FRK: variants seen among roughly 807,000 people sequenced by gnomAD.
FRK encodes fyn related Src family tyrosine kinase.
In FRK, 51 loss-of-function variants were observed where a neutral mutation model predicts 56.4. That is an observed-to-expected ratio of 0.90 (90% confidence interval 0.72 to 1.14). The LOEUF (loss-of-function observed/expected upper bound fraction) is 1.14, where lower values mean the gene tolerates loss of function less well. FRK is among the 50% of genes most tolerant of loss of function. The pLI, the probability that FRK is intolerant of heterozygous loss-of-function variation, is 0.00. For missense variants in FRK, 570 were observed against 601.4 expected (o/e 0.95, Z 0.55); for synonymous variants, 245 against 217.9 (o/e 1.12, Z -1.10).
chr6:115,960,429 G>A (rs1436620162), intron 4 of FRK, among the ~76,000 whole-genome samples: 2 of 150,482 alleles, frequency 1.3e-5, no homozygotes, highest in Non-Finnish European at 3.0e-5. Context: ...TAGCACAGCA[G>A]TCTGAGATCA....
chr6:116,098,252 T>C, the FRK span, among the ~76,000 whole-genome samples: 19 of 151,860 alleles, frequency 1.3e-4, no homozygotes, highest in African/African-American at 4.1e-4. Flanking sequence ...GCTAGGACTA[T>C]AGGTGCCTGC....
Position 115,941,655 on chromosome 6 carries a change from T to C in FRK, c.*759A>G, listed in dbSNP as rs962941427. 1.3e-5 allele frequency: 2 copies of C among 152,154 alleles called. No homozygotes were observed. The highest frequency in any genetic ancestry group is 2.9e-5 in the Non-Finnish European group (2 of 68,018). 9.4% of individuals were successfully genotyped at this position (152,154 alleles called of 1,614,324 possible). A position where few individuals can be genotyped will look rare whatever the true frequency, so the allele number is the denominator to read the frequency against. ...CCTATTTCTCAGACTTTATGGGCTA[T>C]TAGACATTTCTCACATTTCCATAGA... On this transcript the variant is annotated 3_prime_UTR_variant, in exon 8 of 8. Coordinates refer to ENST00000606080, the MANE Select transcript of FRK (RefSeq NM_002031.3).
At chr6:115,947,684 A>G (rs1327527743) in intron 5 of FRK, among the ~76,000 whole-genome samples, 1 of 152,140 alleles carries the variant, frequency 6.6e-6, no homozygotes, top group Non-Finnish European at 1.5e-5. Flanking sequence ...AGTCTGGCCC[A>G]TATCAAAAAA....
At chr6:116,082,212 A>C in the FRK span, among the ~76,000 whole-genome samples, 1 of 152,208 alleles carries the variant, frequency 6.6e-6, no homozygotes, top group Non-Finnish European at 1.5e-5. Flanking sequence ...GAAAAGATAT[A>C]GTAAGAGATA....
At chr6:116,047,411 T>A (rs77192146) in intron 1 of FRK, among the ~76,000 whole-genome samples, 1 of 149,064 alleles carries the variant, frequency 6.7e-6, no homozygotes, top group African/African-American at 2.5e-5. Context: ...TTTTTTTTTT[T>A]AATTGAGATG....
intron 2 of FRK, among the ~76,000 whole-genome samples, chr6:115,993,542 C>T (rs1353074278): frequency 6.6e-6 from 1 of 151,746 alleles, no homozygotes; most frequent in Non-Finnish European, 1.5e-5. Flanking sequence ...CGAATTTAAA[C>T]ATTAATATAA....
At chr6:116,025,283 A>G (rs1474637798) in intron 1 of FRK, among the ~76,000 whole-genome samples, 1 of 152,216 alleles carries the variant, frequency 6.6e-6, no homozygotes, top group Non-Finnish European at 1.5e-5. Context: ...GAATCCAGAA[A>G]GTAAATATCT....
the FRK span, among the ~76,000 whole-genome samples, chr6:116,077,515 C>T: frequency 6.6e-6 from 1 of 152,198 alleles, no homozygotes; most frequent in Non-Finnish European, 1.5e-5. Context: ...GATACATGCA[C>T]GGTGCTAATT....
intron 1 of FRK, among the ~76,000 whole-genome samples, chr6:116,057,421 C>T (rs751145752): frequency 1.3e-5 from 2 of 152,136 alleles, no homozygotes; most frequent in Non-Finnish European, 2.9e-5. Context: ...CAGTAAAAAT[C>T]GCTTCTATTT....
At chr6:116,050,003 T>G (rs9481604) in intron 1 of FRK, among the ~76,000 whole-genome samples, 4,100 of 152,230 alleles carry the variant, frequency 0.027, 183 homozygotes, top group African/African-American at 0.09. Context: ...CATTCATGAG[T>G]TGAACATTGT....
chr6:115,970,966 T>C (rs1773786049), intron 2 of FRK, among the ~76,000 whole-genome samples: 1 of 152,090 alleles, frequency 6.6e-6, no homozygotes, highest in East Asian at 1.9e-4. Flanking sequence ...AAACTATTGA[T>C]ATGAGGGGTC....
chr6:116,024,057 TACACACACACACAC>T (rs55922355), intron 1 of FRK, among the ~76,000 whole-genome samples: 14 of 136,590 alleles, frequency 1.0e-4, no homozygotes, highest in African/African-American at 3.6e-4. Flanking sequence ...CCTGAGAACT[TACACACACACACAC>T]ACACACACAC....
At chr6:116,072,564 C>CACACACACACAA in the FRK span, among the ~76,000 whole-genome samples, 3,542 of 149,520 alleles carry the variant, frequency 0.024, 138 homozygotes, top group African/African-American at 0.082. Flanking sequence ...CACACACACA[C>CACACACACACAA]AAGATACCTT....
the FRK span, among the ~76,000 whole-genome samples, chr6:116,092,611 A>T: frequency 6.6e-6 from 1 of 152,152 alleles, no homozygotes; most frequent in Non-Finnish European, 1.5e-5. Context: ...GTGGTGTAGG[A>T]GGAAAACTAG....
At chr6:116,061,247 C>G (rs1777612614), upstream of FRK, among the ~76,000 whole-genome samples, 1 of 152,188 alleles carries the variant, frequency 6.6e-6, no homozygotes, top group African/African-American at 2.4e-5. Context: ...AAGTCACTCC[C>G]TTTTCTCATT....
chr6:116,090,233 T>A, the FRK span, among the ~76,000 whole-genome samples: 1 of 152,132 alleles, frequency 6.6e-6, no homozygotes, highest in East Asian at 1.9e-4. Flanking sequence ...ACCCCCAACA[T>A]GAGTTTGGGG....
At chr6:116,085,985 AT>A in the FRK span, among the ~76,000 whole-genome samples, 1 of 151,960 alleles carries the variant, frequency 6.6e-6, no homozygotes, top group Non-Finnish European at 1.5e-5. Flanking sequence ...AACCATTCTC[AT>A]TACCGTTTGA....
At chr6:116,012,240 C>T (rs1395841095) in intron 1 of FRK, among the ~76,000 whole-genome samples, 1 of 152,174 alleles carries the variant, frequency 6.6e-6, no homozygotes, top group Admixed American at 6.5e-5. Flanking sequence ...TCCCCACATA[C>T]ACATAAATAA....
chr6:115,982,386 T>G (rs1339281558), intron 2 of FRK, among the ~76,000 whole-genome samples: 1 of 152,144 alleles, frequency 6.6e-6, no homozygotes, highest in Non-Finnish European at 1.5e-5. Context: ...TCCACAATTT[T>G]GTGAGCCAAT....
Sources: allele counts gnomAD v4.1 joint callset (sites outside exome capture counted in the v4.1 genomes callset), GRCh38; gene constraint gnomAD v4.1.1; transcripts MANE v1.5; gene names NCBI Gene and HGNC (gene_info 2026-07-23, HGNC 2026-07-21).